RNF130: variants seen among roughly 807,000 people sequenced by gnomAD.
The protein encoded by RNF130 is E3 ubiquitin-protein ligase RNF130.
In RNF130, 21 loss-of-function variants were observed where a neutral mutation model predicts 44.6. That is an observed-to-expected ratio of 0.47 (90% CI 0.33 to 0.68). The LOEUF is 0.68. RNF130 is among the 30% of genes least tolerant of loss of function. The pLI is 0.02. For synonymous variants in RNF130, 214 were observed against 210.4 expected (o/e 1.02, Z -0.15); for missense variants, 479 against 560.6 (o/e 0.85, Z 1.47).
intron 2 of RNF130, among the ~76,000 whole-genome samples, chr5:180,018,711 C>G (rs147873876): frequency 7.7e-4 from 118 of 152,340 alleles, no homozygotes; most frequent in Non-Finnish European, 1.4e-3. Context: ...ATTCTCTCTT[C>G]GCCCCCTGCC....
At chr5:180,053,413 G>A (rs1176730956) in intron 1 of RNF130, among the ~76,000 whole-genome samples, 1 of 152,176 alleles carries the variant, frequency 6.6e-6, no homozygotes, top group Non-Finnish European at 1.5e-5. Context: ...AAATCATCTT[G>A]ATGAGAAAGA....
chr5:180,019,207 AC>A (rs1461492328), intron 2 of RNF130, among the ~76,000 whole-genome samples: 3 of 151,414 alleles, frequency 2.0e-5, no homozygotes, highest in African/African-American at 7.3e-5. Context: ...ACACGGTGAA[AC>A]CCCATCTCTA....
intron 2 of RNF130, among the ~76,000 whole-genome samples, chr5:180,037,229 T>C (rs116312214): frequency 2.6e-3 from 397 of 152,346 alleles, no homozygotes; most frequent in African/African-American, 9.3e-3. Flanking sequence ...GTGTCGTCCA[T>C]GCACATGTGC....
Position 179,977,380 on chromosome 5 carries a change from T to C in RNF130, c.848+823A>G, listed in dbSNP as rs2113715229. The C allele has an allele frequency of 6.6e-6, 1 of 152,308 alleles. No homozygotes were observed. The highest frequency in any genetic ancestry group is 3.4e-3 in the Middle Eastern group (1 of 292). The allele number at this position is 152,308 out of a possible 1,614,324, so 9.4% of individuals were successfully genotyped here. On this transcript the variant is annotated intron_variant, in intron 5 of 8. Transcript: ENST00000521389. The surrounding 1 kb of genome is among the most constrained non-coding windows in gnomAD (Gnocchi z 4.1). ...GAAGTCTCACTGAAGGGCTTGGAGA[T>C]GTAGTCTAAGATGGAGAGGAACAAG...
intron 3 of RNF130, among the ~76,000 whole-genome samples, chr5:180,001,863 G>T (rs545656016): frequency 1.3e-5 from 2 of 152,210 alleles, no homozygotes. Context: ...ACAGGTTCAA[G>T]CAAGCAGGGT....
Position 179,967,714 on chromosome 5 carries a change from A to C in RNF130, c.946-704T>G, listed in dbSNP as rs552580905. ...CAGGCAGCAGCAGGCAGCACATGAGAAGCACAGCTGGGAGGGGTGGTTGTG... is the reference window on the plus strand; with the variant it reads ...CAGGCAGCAGCAGGCAGCACATGAGCAGCACAGCTGGGAGGGGTGGTTGTG... On this transcript the variant is annotated intron_variant, in intron 6 of 8. Coordinates refer to ENST00000521389, the MANE Select transcript of RNF130 (RefSeq NM_018434.6). Among the ~76,000 whole-genome samples the C allele has an allele frequency of 2.8e-4, 43 of 152,256 alleles. No individual in the cohort carries two copies. In the South Asian group the frequency reaches 7.9e-3, roughly 28 times the overall value.
intron 8 of RNF130, among the ~76,000 whole-genome samples, chr5:179,962,512 T>G (rs1762356177): frequency 6.6e-6 from 1 of 152,138 alleles, no homozygotes; most frequent in African/African-American, 2.4e-5. Context: ...CAACCTAGGT[T>G]CAAATTTGGG....
chr5:179,943,218 TAAAGGAA>T (rs927564957), intron 7 of RNF130, among the ~76,000 whole-genome samples: 3 of 152,082 alleles, frequency 2.0e-5, no homozygotes, highest in Non-Finnish European at 4.4e-5. Context: ...TCCTTTGGGC[TAAAGGAA>T]AATGGACAGG....
intron 3 of RNF130, among the ~76,000 whole-genome samples, chr5:180,000,715 C>A (rs568011824): frequency 3.9e-5 from 6 of 152,166 alleles, no homozygotes; most frequent in African/African-American, 1.4e-4. Context: ...TCATTGAATT[C>A]TTCAGCTGCA....
chr5:180,015,312 AG>A (rs777995379), intron 2 of RNF130: 1 of 531,408 alleles, frequency 1.9e-6, no homozygotes, highest in Non-Finnish European at 3.9e-6. Context: ...ATAAGATACC[AG>A]GTATGGCTAT....
intron 1 of RNF130, 108 bp from the exon 2 acceptor site, chr5:180,040,755 C>G: frequency 1.0e-6 from 1 of 963,804 alleles, no homozygotes; most frequent in Non-Finnish European, 1.5e-6. Flanking sequence ...GCACGTGAAG[C>G]AGCTCGCTGC....
intron 2 of RNF130, among the ~76,000 whole-genome samples, chr5:180,031,105 T>C (rs1248589785): frequency 2.0e-5 from 3 of 152,256 alleles, no homozygotes; most frequent in Non-Finnish European, 4.4e-5. Flanking sequence ...AACATTTTCT[T>C]ATATAACAGC....
chr5:180,010,425 T>C (rs147082561), intron 3 of RNF130, among the ~76,000 whole-genome samples: 1 of 151,956 alleles, frequency 6.6e-6, no homozygotes, highest in Admixed American at 6.5e-5. Flanking sequence ...AGTGGTACGA[T>C]CATGGCTCAC....
intron 1 of RNF130, among the ~76,000 whole-genome samples, chr5:180,045,400 G>A (rs867278203): frequency 6.6e-6 from 1 of 152,172 alleles, no homozygotes; most frequent in Admixed American, 6.5e-5. Flanking sequence ...CTGACTTCAA[G>A]AGTGAAGCTG....
intron 2 of RNF130, among the ~76,000 whole-genome samples, chr5:180,032,871 T>A (rs1413664180): frequency 6.6e-6 from 1 of 152,226 alleles, no homozygotes; most frequent in Admixed American, 6.5e-5. Context: ...GTGATTTGCA[T>A]AGGTACATAC....
chr5:180,037,141 C>T (rs1031619404), intron 2 of RNF130, among the ~76,000 whole-genome samples: 11 of 152,176 alleles, frequency 7.2e-5, no homozygotes, highest in Middle Eastern at 3.2e-3. Flanking sequence ...ATAAACGTGC[C>T]ACAATTAATC....
intron 2 of RNF130, among the ~76,000 whole-genome samples, chr5:180,039,064 C>T (rs754826517): frequency 7.9e-5 from 12 of 152,166 alleles, no homozygotes; most frequent in Non-Finnish European, 1.5e-4. Flanking sequence ...AATTAAACTG[C>T]CCCTTAATTT....
chr5:180,042,376 T>C (rs1764439942), intron 1 of RNF130, among the ~76,000 whole-genome samples: 1 of 152,178 alleles, frequency 6.6e-6, no homozygotes, highest in African/African-American at 2.4e-5. Flanking sequence ...TATACGACCA[T>C]TACCTACCCT....
intron 6 of RNF130, among the ~76,000 whole-genome samples, chr5:179,969,276 C>T (rs1040472812): frequency 3.3e-5 from 5 of 151,974 alleles, no homozygotes; most frequent in Admixed American, 2.0e-4. Context: ...GACTCTGGCA[C>T]GCCTGGCGAC....
Sources: gnomAD v4.1 joint callset for allele counts (sites outside exome capture counted in the v4.1 genomes callset) on GRCh38, gnomAD v4.1.1 for gene constraint, Gnocchi (gnomAD v3.1) non-coding constraint, MANE v1.5 for transcripts, NCBI Gene and HGNC (gene_info 2026-07-23, HGNC 2026-07-21) for gene names.